NTN1: variants seen among roughly 807,000 people sequenced by gnomAD.
NTN1 encodes netrin 1, also known as netrin-1.
A neutral mutation model predicts 54.2 loss-of-function variants in NTN1; 11 were observed. The ratio of observed to expected loss-of-function variants is 0.20; its 90% CI spans 0.13 to 0.34. NTN1 has a LOEUF of 0.34. NTN1 is among the 10% of genes least tolerant of loss of function. The pLI is 1.00. For missense variants in NTN1, 740 were observed against 893.1 expected (o/e 0.83, Z 2.18); for synonymous variants, 371 against 382.0 (o/e 0.97, Z 0.33).
chr17:9,153,775 G>A (rs2092334440), intron 2 of NTN1, among the ~76,000 whole-genome samples: 1 of 152,166 alleles, frequency 6.6e-6, no homozygotes. Flanking sequence ...TGGTGTCCTT[G>A]TGGCATCTCG....
intron 2 of NTN1, among the ~76,000 whole-genome samples, chr17:9,127,074 G>GT (rs1555570072): frequency 4.7e-5 from 7 of 149,828 alleles, no homozygotes; most frequent in Admixed American, 1.3e-4. Flanking sequence ...GTAGGGCCGG[G>GT]GGGGGGCAGG....
At chr17:9,185,429 A>C (rs575388868) in intron 5 of NTN1, among the ~76,000 whole-genome samples, 1 of 152,352 alleles carries the variant, frequency 6.6e-6, no homozygotes, top group African/African-American at 2.4e-5. Context: ...CCAGAGGAGA[A>C]TTAATAAGCT....
At chr17:9,042,567 T>C (rs959476866) in intron 2 of NTN1, among the ~76,000 whole-genome samples, 3 of 150,988 alleles carry the variant, frequency 2.0e-5, no homozygotes, top group African/African-American at 7.3e-5. Context: ...GGCGGGCAGA[T>C]CATGAGGTCA....
intron 2 of NTN1, among the ~76,000 whole-genome samples, chr17:9,144,922 GC>G (rs1382452598): frequency 6.6e-6 from 1 of 152,210 alleles, no homozygotes; most frequent in African/African-American, 2.4e-5. Context: ...CCCTGGAGAG[GC>G]ACACTTGAGG....
chr17:9,171,064 A>G (rs539485823), intron 3 of NTN1: 1 of 152,342 alleles, frequency 6.6e-6, no homozygotes, highest in Non-Finnish European at 1.5e-5. Flanking sequence ...TGGCAGGGAA[A>G]GGATAGGTTG....
rs928090176 is a variant in NTN1 at position 9,219,420 on chromosome 17, T to C, written c.1412-1748T>C. Among the ~76,000 whole-genome samples the C allele has an allele frequency of 2.0e-5, 3 of 152,166 alleles. No individual in the cohort carries two copies. Among genetic ancestry groups the C allele is most frequent in the Non-Finnish European group, 2.9e-5 (2 of 68,008 alleles). On this transcript the variant is annotated intron_variant, in intron 5 of 6. Transcript: ENST00000173229. This position sits in a 1 kb window ranked among gnomAD's most constrained non-coding sequence, Gnocchi z 4.5. Reference sequence around the variant, plus strand: ...GAAGGGGCTCCGAGGGCTCAGATCATAGGGAGCAGGAAGCAGGGCTGTTTT... The same window carrying C: ...GAAGGGGCTCCGAGGGCTCAGATCACAGGGAGCAGGAAGCAGGGCTGTTTT...
intron 2 of NTN1, among the ~76,000 whole-genome samples, chr17:9,041,750 T>G (rs2091922203): frequency 6.6e-6 from 1 of 152,156 alleles, no homozygotes; most frequent in Non-Finnish European, 1.5e-5. Context: ...GGCTCATGCC[T>G]GTAATCTCAG....
At chr17:9,151,723 G>A (rs931650013) in intron 2 of NTN1, among the ~76,000 whole-genome samples, 12 of 152,354 alleles carry the variant, frequency 7.9e-5, no homozygotes, top group Non-Finnish European at 1.5e-4. Flanking sequence ...CTCTAAGGCT[G>A]ACCACGGAGG....
At chr17:9,028,475 G>A (rs2091878410) in intron 2 of NTN1, among the ~76,000 whole-genome samples, 2 of 152,284 alleles carry the variant, frequency 1.3e-5, no homozygotes, top group East Asian at 1.9e-4. Flanking sequence ...TCTGGGGTGG[G>A]TCTGCGTGTT....
At chr17:9,223,227 G>C (rs1013908228) in intron 6 of NTN1, among the ~76,000 whole-genome samples, 2 of 152,200 alleles carry the variant, frequency 1.3e-5, no homozygotes, top group Non-Finnish European at 2.9e-5. Context: ...GCGTCTCCAA[G>C]CCAGGAAAGT....
chr17:9,121,121 G>A (rs969138136), intron 2 of NTN1, among the ~76,000 whole-genome samples: 1 of 152,146 alleles, frequency 6.6e-6, no homozygotes, highest in African/African-American at 2.4e-5. Flanking sequence ...GGCCCTGTCG[G>A]GGGGAGAGCT....
At chr17:9,143,226 C>T (rs996137433) in intron 2 of NTN1, among the ~76,000 whole-genome samples, 7 of 152,160 alleles carry the variant, frequency 4.6e-5, no homozygotes, top group South Asian at 2.1e-4. Context: ...CTCCAGAGCC[C>T]GGGGCCTTGG....
At chr17:9,158,613 T>A (rs929530183) in intron 2 of NTN1, among the ~76,000 whole-genome samples, 1 of 152,130 alleles carries the variant, frequency 6.6e-6, no homozygotes, top group Non-Finnish European at 1.5e-5. Flanking sequence ...GCCAGAAGGG[T>A]AGGGTTCCCA....
chr17:9,093,253 A>G (rs1190615932), intron 2 of NTN1, among the ~76,000 whole-genome samples: 4 of 152,190 alleles, frequency 2.6e-5, no homozygotes, highest in African/African-American at 9.7e-5. Context: ...GCTTCCAGCT[A>G]TTTGCTATTG....
intron 2 of NTN1, among the ~76,000 whole-genome samples, chr17:9,119,776 G>C (rs1302223588): frequency 2.0e-5 from 3 of 152,146 alleles, no homozygotes; most frequent in East Asian, 1.9e-4. Flanking sequence ...GGGATTAAAG[G>C]CATGAGCCGC....
chr17:9,241,574 C>T lies in NTN1; in HGVS notation c.*1606C>T, dbSNP rs983829914. ...AGGAAATTGGTTTCACTTTCCCGGCCAGAGTTTGGCTGCTCAAAAGGGTCA... is the reference window on the plus strand; with the variant it reads ...AGGAAATTGGTTTCACTTTCCCGGCTAGAGTTTGGCTGCTCAAAAGGGTCA... On this transcript the variant is annotated 3_prime_UTR_variant, in exon 7 of 7. Transcript: ENST00000173229. 6.6e-6 allele frequency: 1 copy of T among 152,342 alleles called. No individual in the cohort carries two copies. Among genetic ancestry groups the T allele is most frequent in the Non-Finnish European group, 1.5e-5 (1 of 68,118 alleles). 9.4% of individuals were successfully genotyped at this position (152,342 alleles called of 1,614,324 possible).
rs773719719 is a variant in NTN1 at position 9,023,852 on chromosome 17, G to T, written c.1018+461G>T. Among the ~76,000 whole-genome samples the T allele has an allele frequency of 5.3e-5, 8 of 152,226 alleles. 1 individual carries two copies. The highest frequency in any genetic ancestry group is 7.3e-5 in the Non-Finnish European group (5 of 68,044). On this transcript the variant is annotated intron_variant, in intron 2 of 6. Coordinates refer to ENST00000173229, the MANE Select transcript of NTN1 (RefSeq NM_004822.3). ...TACAAATCCCTTGGGAGATGGCAAA[G>T]AACTGTTTGTAGTTTGGGGTCAGTT... is the stretch of plus-strand genomic sequence containing the variant.
intron 3 of NTN1, among the ~76,000 whole-genome samples, chr17:9,178,013 G>A (rs2092405545): frequency 6.6e-6 from 1 of 152,198 alleles, no homozygotes; most frequent in Admixed American, 6.5e-5. Context: ...TGGCTGACGT[G>A]TTAAAACCCC....
At chr17:9,172,226 G>A (rs900894037) in intron 3 of NTN1, among the ~76,000 whole-genome samples, 39 of 152,020 alleles carry the variant, frequency 2.6e-4, no homozygotes, top group African/African-American at 5.3e-4. Context: ...GGCGGGGTGC[G>A]GTGGCTCACG....
Sources: allele counts gnomAD v4.1 joint callset (sites outside exome capture counted in the v4.1 genomes callset), GRCh38; gene constraint gnomAD v4.1.1; non-coding constraint Gnocchi (gnomAD v3.1); transcripts MANE v1.5; gene names NCBI Gene and HGNC (gene_info 2026-07-23, HGNC 2026-07-21).